TMEM131: variants seen among roughly 807,000 people sequenced by gnomAD.
The protein encoded by TMEM131 is transmembrane protein 131, also known as 2610524E03Rik.
Under a neutral mutation model 211.6 loss-of-function variants are expected in TMEM131, and 66 were observed. The ratio of observed to expected loss-of-function variants is 0.31; its 90% confidence interval spans 0.26 to 0.38. The LOEUF is 0.38. Among genes scored for constraint, TMEM131 ranks in the 10% least tolerant of loss-of-function variants. The pLI is 1.00. For synonymous variants in TMEM131, 844 were observed against 841.3 expected, an observed-to-expected ratio of 1.00 and a Z score of -0.06; for missense variants, 2,036 against 2,299.3, an observed-to-expected ratio of 0.89 and a Z score of 2.34.
intron 13 of TMEM131, 102 bp downstream of exon 13, chr2:97,815,097 G>A: frequency 3.6e-6 from 2 of 558,176 alleles, no homozygotes; most frequent in East Asian, 6.8e-5. Flanking sequence ...ATTCCATCAA[G>A]TTTATGTGAA....
At chr2:97,793,348 C>A in intron 30 of TMEM131, 47 bp downstream of exon 30, 1 of 1,531,604 alleles carries the variant, frequency 6.5e-7, no homozygotes, top group Non-Finnish European at 8.8e-7. Context: ...ATTTTATCAG[C>A]CAAATCTATG....
At chr2:97,898,239 T>C (rs1190750227) in intron 3 of TMEM131, among the ~76,000 whole-genome samples, 1 of 152,150 alleles carries the variant, frequency 6.6e-6, no homozygotes, top group Non-Finnish European at 1.5e-5. Flanking sequence ...TTGTTCATTA[T>C]AAAATTTTTC....
intron 1 of TMEM131, among the ~76,000 whole-genome samples, chr2:97,993,708 C>A (rs1680360307): frequency 6.6e-6 from 1 of 152,226 alleles, no homozygotes; most frequent in Admixed American, 6.5e-5. Flanking sequence ...GGCAAGTATT[C>A]TCCTCATCCA....
At chr2:97,911,484 T>C (rs1028378460) in intron 2 of TMEM131, 23 of 198,488 alleles carry the variant, frequency 1.2e-4, no homozygotes, top group Non-Finnish European at 1.9e-4. Context: ...TTCTAGAGCA[T>C]GAGAAGCTAT....
At chr2:97,940,280 T>C (rs1476316191) in intron 1 of TMEM131, among the ~76,000 whole-genome samples, 1 of 152,164 alleles carries the variant, frequency 6.6e-6, no homozygotes, top group Non-Finnish European at 1.5e-5. Flanking sequence ...AACCCCATCA[T>C]CTCAGCCCCA....
intron 2 of TMEM131, among the ~76,000 whole-genome samples, chr2:97,919,615 G>C (rs1334311488): frequency 6.6e-6 from 1 of 152,154 alleles, no homozygotes; most frequent in Non-Finnish European, 1.5e-5. Flanking sequence ...TTGTTGCCCA[G>C]GCCGGAGTGC....
At chr2:97,787,096 T>C (rs775179170) in intron 31 of TMEM131, among the ~76,000 whole-genome samples, 11 of 152,250 alleles carry the variant, frequency 7.2e-5, no homozygotes, top group Non-Finnish European at 1.6e-4. Context: ...CTTTTATTCA[T>C]TGTTTTATAT....
At chr2:97,853,151 G>C (rs1478132730) in intron 5 of TMEM131, among the ~76,000 whole-genome samples, 3 of 152,182 alleles carry the variant, frequency 2.0e-5, no homozygotes, top group Non-Finnish European at 2.9e-5. Flanking sequence ...TTCAGCCAAG[G>C]ATCAAGGAGT....
Position 97,931,456 on chromosome 2 carries a change from C to CAGTAT in TMEM131, c.188-3970_188-3969insATACT, listed in dbSNP as rs562093703. Among the ~76,000 whole-genome samples the CAGTAT allele has an allele frequency of 2.3e-4, 35 of 152,222 alleles. No homozygotes were observed. In the South Asian group the frequency reaches 6.8e-3, roughly 30 times the overall value. On this transcript the variant is annotated intron_variant, in intron 1 of 40. Coordinates refer to ENST00000186436, the MANE Select transcript of TMEM131 (RefSeq NM_015348.2). ...TTTCACTTTAAAGACAAATCTTTGT[C>CAGTAT]TACTAAGTTTTTGTTTTTCTTTTAG...
chr2:97,786,998 A>G (rs1031149954), intron 31 of TMEM131, among the ~76,000 whole-genome samples: 2 of 152,172 alleles, frequency 1.3e-5, no homozygotes, highest in Admixed American at 1.3e-4. Flanking sequence ...TCAACTTAAC[A>G]CTTAATGGTA....
chr2:97,958,161 C>A (rs1380281416), intron 1 of TMEM131, among the ~76,000 whole-genome samples: 2 of 152,166 alleles, frequency 1.3e-5, no homozygotes, highest in Non-Finnish European at 2.9e-5. Flanking sequence ...ATCTGGGGAG[C>A]ATTGAAGAGA....
chr2:97,760,432 C>A lies in TMEM131; in HGVS notation c.5108+161G>T, dbSNP rs138940195. The A allele has an allele frequency of 2.1e-4, 146 of 698,778 alleles. No individual in the cohort carries two copies. The African/African-American group carries it at 2.5e-3, about 12-fold the overall frequency. The allele number at this position is 698,778 out of a possible 1,614,324, so 43.3% of individuals were successfully genotyped here. On this transcript the variant is annotated intron_variant, in intron 38 of 40. Transcript: ENST00000186436. ...CACCGCAGCCGGCTTTCTGCTTCCA[C>A]CCAGCAGACATGATTTCTTAGAGGC...
chr2:97,809,617 T>A (rs1489856935), intron 19 of TMEM131, 71 bp downstream of exon 19: 1 of 1,030,564 alleles, frequency 9.7e-7, no homozygotes, highest in Non-Finnish European at 1.5e-6. Flanking sequence ...ACTCTAAGAT[T>A]CTAGGAACAC....
chr2:97,868,450 T>C (rs1211600013), intron 4 of TMEM131, among the ~76,000 whole-genome samples: 1 of 152,212 alleles, frequency 6.6e-6, no homozygotes, highest in Non-Finnish European at 1.5e-5. Context: ...TTAGATTATG[T>C]ATATTTAATG....
At chr2:97,763,998 T>G (rs1679034308) in intron 35 of TMEM131, 1 of 152,284 alleles carries the variant, frequency 6.6e-6, no homozygotes, top group African/African-American at 2.4e-5. Context: ...TGGCTTCTGA[T>G]TTGCTTTTCC....
chr2:97,951,951 G>A (rs1484789650), intron 1 of TMEM131, among the ~76,000 whole-genome samples: 1 of 152,166 alleles, frequency 6.6e-6, no homozygotes, highest in Non-Finnish European at 1.5e-5. Flanking sequence ...GAGATCAGGA[G>A]TTCAAGACCA....
At chr2:97,964,261 G>T (rs1875699) in intron 1 of TMEM131, among the ~76,000 whole-genome samples, 50,746 of 152,088 alleles carry the variant, frequency 0.33, 9,314 homozygotes, top group Non-Finnish European at 0.39. Flanking sequence ...GAAATTAGGA[G>T]AAATGTTAAG....
chr2:97,837,221 A>ATT, intron 7 of TMEM131, 64 bp from the exon 8 acceptor site: 1 of 1,197,096 alleles, frequency 8.4e-7, no homozygotes, highest in Non-Finnish European at 1.2e-6. Context: ...GTGACTTGCT[A>ATT]TTACACAGAA....
chr2:97,814,604 GA>G (rs1372982387), intron 13 of TMEM131, among the ~76,000 whole-genome samples: 11 of 151,982 alleles, frequency 7.2e-5, no homozygotes, highest in African/African-American at 2.7e-4. Flanking sequence ...ATTCTCTAAT[GA>G]ATTATATGAA....
Sources: gnomAD v4.1 joint callset for allele counts (sites outside exome capture counted in the v4.1 genomes callset) on GRCh38, gnomAD v4.1.1 for gene constraint, MANE v1.5 for transcripts, NCBI Gene and HGNC (gene_info 2026-07-23, HGNC 2026-07-21) for gene names.